Variants in ABR observed in about 807,000 individuals in gnomAD.
ABR encodes the protein ABR activator of RhoGEF and GTPase.
Under a neutral mutation model 107.2 loss-of-function variants are expected in ABR, and 35 were observed. The ratio of observed to expected loss-of-function variants is 0.33; its 90% CI spans 0.25 to 0.43. The LOEUF (loss-of-function observed/expected upper bound fraction) is 0.43, where lower values mean the gene tolerates loss of function less well. ABR is among the 20% of genes least tolerant of loss of function. The pLI is 1.00. For synonymous variants in ABR, 498 were observed against 462.0 expected (o/e 1.08, Z -1.00); for missense variants, 815 against 1,115.2 (o/e 0.73, Z 3.83).
chr17:1,080,479 G>T (rs1437714427), intron 5 of ABR, among the ~76,000 whole-genome samples: 1 of 152,162 alleles, frequency 6.6e-6, no homozygotes, highest in Non-Finnish European at 1.5e-5. Flanking sequence ...GGCAGACGGA[G>T]CACACGGAGC....
At chr17:1,074,618 C>T (rs2035552310) in intron 6 of ABR, among the ~76,000 whole-genome samples, 1 of 152,240 alleles carries the variant, frequency 6.6e-6, no homozygotes, top group Non-Finnish European at 1.5e-5. Context: ...GGACTGGCCT[C>T]ATCTCTCAGA....
At chr17:1,046,256 G>A (rs574338020) in intron 16 of ABR, among the ~76,000 whole-genome samples, 5 of 133,290 alleles carry the variant, frequency 3.8e-5, no homozygotes, top group Middle Eastern at 3.5e-3. Flanking sequence ...CGCCCGCCTC[G>A]GCCTCCCAAA....
intron 16 of ABR, among the ~76,000 whole-genome samples, chr17:1,040,190 G>A (rs1479428143): frequency 6.6e-6 from 1 of 152,142 alleles, no homozygotes; most frequent in Non-Finnish European, 1.5e-5. Flanking sequence ...ACAACCCAGG[G>A]CCCCCAGGAC....
chr17:1,102,022 C>T (rs574154051), intron 2 of ABR, among the ~76,000 whole-genome samples: 20 of 152,138 alleles, frequency 1.3e-4, no homozygotes, highest in African/African-American at 4.1e-4. Context: ...TGTGAGCCAC[C>T]GCACCCTGCC....
intron 14 of ABR, among the ~76,000 whole-genome samples, chr17:1,052,223 G>A (rs1009900660): frequency 1.3e-5 from 2 of 151,970 alleles, no homozygotes; most frequent in Admixed American, 6.6e-5. Context: ...ACAACACAGA[G>A]GCCCTGAGCA....
chr17:1,094,558 A>G (rs2037273982), intron 3 of ABR, among the ~76,000 whole-genome samples: 1 of 152,040 alleles, frequency 6.6e-6, no homozygotes. Context: ...TTTTGTAGAT[A>G]TGGGGTTTCA....
At chr17:1,034,933 G>T (rs574289620) in intron 16 of ABR, among the ~76,000 whole-genome samples, 2 of 152,182 alleles carry the variant, frequency 1.3e-5, no homozygotes, top group East Asian at 1.9e-4. Flanking sequence ...GGTACCACAG[G>T]CTCAATACTT....
chr17:1,113,723 T>C (rs1481141092), intron 2 of ABR, among the ~76,000 whole-genome samples: 4 of 152,200 alleles, frequency 2.6e-5, no homozygotes, highest in Non-Finnish European at 5.9e-5. Flanking sequence ...CACTTCTATT[T>C]TAACTTCTTT....
chr17:1,149,678 A>C (rs2040715950), intron 1 of ABR, among the ~76,000 whole-genome samples: 1 of 152,140 alleles, frequency 6.6e-6, no homozygotes. Context: ...TAGCCTCTCA[A>C]AGTGCTGGGG....
intron 6 of ABR, among the ~76,000 whole-genome samples, chr17:1,075,290 G>A (rs892166491): frequency 2.6e-5 from 4 of 152,372 alleles, no homozygotes; most frequent in South Asian, 2.1e-4. Flanking sequence ...GCCTCCTGCC[G>A]CAGGGGCAGT....
rs1236326493 is a variant in ABR, at chr17:1,084,507, G to A, written c.532-880C>T. 1.3e-5 allele frequency among the ~76,000 whole-genome samples: 2 copies of A among 152,162 alleles called. No homozygotes were observed. Among genetic ancestry groups the A allele is most frequent in the East Asian group, 3.9e-4 (2 of 5,194 alleles). On this transcript the variant is annotated intron_variant, in intron 4 of 22. Coordinates refer to ENST00000302538, the MANE Select transcript of ABR (RefSeq NM_021962.5). This position sits in a 1 kb window ranked among gnomAD's most constrained non-coding sequence, Gnocchi z 4.2. ...CCCCAGCCTCACTACACGTTTGCCT[G>A]TCACTCACACAGTCACAACCTGAGT...
intron 1 of ABR, among the ~76,000 whole-genome samples, chr17:1,192,415 G>A (rs1407579028): frequency 6.6e-6 from 1 of 152,184 alleles, no homozygotes; most frequent in Admixed American, 6.5e-5. Flanking sequence ...CAGTGGTCTG[G>A]ACAGTGAGTT....
rs755922491 is a variant in ABR, at chr17:1,071,613, C to T, written c.894+1001G>A. 1.3e-5 allele frequency among the ~76,000 whole-genome samples: 2 copies of T among 152,246 alleles called. No individual in the cohort carries two copies. Among genetic ancestry groups the T allele is most frequent in the Non-Finnish European group, 2.9e-5 (2 of 68,034 alleles). ...CCGGCAACCTGGACGGCCTCCACCA[C>T]CTCCAACGCCAGCCTTTCCTGCTGT... On this transcript the variant is annotated intron_variant, in intron 8 of 22. Transcript: ENST00000302538. The surrounding 1 kb of genome is among the most constrained non-coding windows in gnomAD (Gnocchi z 5.1).
At chr17:1,197,709 C>T (rs2042596149) in intron 1 of ABR, among the ~76,000 whole-genome samples, 6 of 151,590 alleles carry the variant, frequency 4.0e-5, no homozygotes, top group Non-Finnish European at 1.5e-5. Flanking sequence ...GGACCCCAGG[C>T]TGGTCCCCTG....
intron 1 of ABR, among the ~76,000 whole-genome samples, chr17:1,185,678 A>G (rs1163866498): frequency 6.6e-6 from 1 of 150,668 alleles, no homozygotes; most frequent in Non-Finnish European, 1.5e-5. Context: ...AAAAAAAAAA[A>G]AAGAAGGTAT....
Position 1,012,431 on chromosome 17 carries a change from C to T in ABR, c.1961+257G>A, listed in dbSNP as rs771136771. On this transcript the variant is annotated intron_variant, in intron 18 of 22. Coordinates refer to ENST00000302538, the MANE Select transcript of ABR (RefSeq NM_021962.5). ...TAGGCCCCCGGCTGACAGAGCTTCC[C>T]GCTTGTTACGAGGAGCAGACGATCT... 93 of 685,136 alleles carry T rather than the reference C, an allele frequency of 1.4e-4. 1 individual carries two copies. The highest frequency in any genetic ancestry group is 5.6e-4 in the South Asian group (37 of 66,590). 42.4% of individuals were successfully genotyped at this position (685,136 alleles called of 1,614,324 possible). A position where few individuals can be genotyped will look rare whatever the true frequency, so the allele number is the denominator to read the frequency against.
rs1209958978 is a variant in ABR at position 1,079,394 on chromosome 17, C to T, written c.640-4G>A. 2 of 1,612,454 alleles carry T rather than the reference C, an allele frequency of 1.2e-6. No homozygotes were observed. The highest frequency in any genetic ancestry group is 2.7e-5 in the African/African-American group (2 of 74,876). ...TGGGACCTTTCACTTTGAGTTCCTG[C>T]CAAAGGGAGGAGAGGAGTCATGGCC... On this transcript the variant is annotated splice_region_variant and splice_polypyrimidine_tract_variant and intron_variant, in intron 5 of 22. Transcript: ENST00000302538.
At chr17:1,038,598 C>A (rs2073376717) in intron 16 of ABR, among the ~76,000 whole-genome samples, 1 of 152,236 alleles carries the variant, frequency 6.6e-6, no homozygotes, top group South Asian at 2.1e-4. Flanking sequence ...CTGCCCCAGC[C>A]CAAAGCTACA....
intron 16 of ABR, among the ~76,000 whole-genome samples, chr17:1,032,739 T>G (rs910308424): frequency 2.0e-5 from 3 of 152,180 alleles, no homozygotes; most frequent in Non-Finnish European, 4.4e-5. Flanking sequence ...AGGACACAAA[T>G]TACGTCTCAA....
Sources: allele counts gnomAD v4.1 joint callset (sites outside exome capture counted in the v4.1 genomes callset), GRCh38; gene constraint gnomAD v4.1.1; non-coding constraint Gnocchi (gnomAD v3.1); transcripts MANE v1.5; gene names NCBI Gene and HGNC (gene_info 2026-07-23, HGNC 2026-07-21).